The following CACNA1G variants were observed in gnomAD, a reference collection of about 807,000 sequenced individuals.
CACNA1G encodes voltage-dependent T-type calcium channel subunit alpha-1G.
Under a neutral mutation model 219.4 loss-of-function variants are expected in CACNA1G, and 67 were observed. The ratio of observed to expected loss-of-function variants is 0.31; its 90% CI spans 0.25 to 0.37. The LOEUF (loss-of-function observed/expected upper bound fraction) is 0.37, where lower values mean the gene tolerates loss of function less well. Among genes scored for constraint, CACNA1G ranks in the 10% least tolerant of loss-of-function variants. The pLI, the probability that CACNA1G is intolerant of heterozygous loss-of-function variation, is 1.00. For missense variants in CACNA1G, 2,380 were observed against 3,231.4 expected (o/e 0.74, Z 6.39); for synonymous variants, 1,296 against 1,345.3 (o/e 0.96, Z 0.80).
chr17:50,624,524 C>A lies in CACNA1G; in HGVS notation c.6394C>A (p.Arg2132Ser). 1 of 1,586,318 alleles carries A rather than the reference C, an allele frequency of 6.3e-7. No individual in the cohort carries two copies. Among genetic ancestry groups the A allele is most frequent in the Non-Finnish European group, 8.6e-7 (1 of 1,166,188 alleles). Residue 2132 changes from arginine (R) to serine (S), a missense_variant, in exon 37 of 38, where the codon CGC becomes AGC. Physicochemically the swap from Arg to Ser is moderately radical, Grantham distance 110 (BLOSUM62 -1). Coordinates refer to ENST00000359106, the MANE Select transcript of CACNA1G (RefSeq NM_018896.5). ...RSPLAQRPLRRQAAIRTDSLD... is the reference protein window; with the variant it reads ...RSPLAQRPLRSQAAIRTDSLD... ...CCCTTTGGCTCAGAGGCCACTCAGG[C>A]GCCAGGTGAGCAGATGTGGAAAGGC...
chr17:50,608,525 G>GATATATAT (rs3063068), intron 25 of CACNA1G, among the ~76,000 whole-genome samples: 45 of 141,772 alleles, frequency 3.2e-4, no homozygotes, highest in African/African-American at 9.6e-4. Context: ...TTTCTACCAT[G>GATATATAT]ATATATATAT....
In CACNA1G at chr17:50,565,960, C is replaced by T. The variant is rs987185783; in HGVS notation, c.243-2910C>T. Among the ~76,000 whole-genome samples the T allele has an allele frequency of 2.6e-5, 4 of 152,148 alleles. No individual in the cohort carries two copies. In the East Asian group the frequency reaches 5.8e-4, roughly 22 times the overall value. ...CCCCTCTTTGGGATCCACTCCAGCC[C>T]GGACAGTCACCATAGCAACAGTAGA... On this transcript the variant is annotated intron_variant, in intron 1 of 37. Coordinates refer to ENST00000359106, the MANE Select transcript of CACNA1G (RefSeq NM_018896.5).
chr17:50,616,419 T>A, intron 28 of CACNA1G, 35 bp downstream of exon 28: 1 of 1,266,364 alleles, frequency 7.9e-7, no homozygotes, highest in Non-Finnish European at 1.2e-6. Flanking sequence ...GGGACTTGCG[T>A]AGAGATAGAA....
chr17:50,591,465 C>A lies in CACNA1G; in HGVS notation c.2484C>A (p.Gly828=). 1.3e-6 allele frequency: 2 copies of A among 1,592,010 alleles called. No individual in the cohort carries two copies. Among genetic ancestry groups the A allele is most frequent in the Non-Finnish European group, 1.7e-6 (2 of 1,170,130 alleles). ...GGGAGATCGTGGGCCAGCAGGGGGG[C>A]GGCCTGTCGGTGCTGCGGACCTTCC... The part of the protein sequence containing the change: ...SVWEIVGQQG[G]GLSVLRTFRL... Residue 828 remains glycine (G), a synonymous_variant, in exon 11 of 38, where the codon GGC becomes GGA. Coordinates refer to ENST00000359106, the MANE Select transcript of CACNA1G (RefSeq NM_018896.5).
At chr17:50,585,326 T>G (rs1189707624) in intron 9 of CACNA1G, among the ~76,000 whole-genome samples, 1 of 152,158 alleles carries the variant, frequency 6.6e-6, no homozygotes, top group Non-Finnish European at 1.5e-5. Flanking sequence ...TCCAGAATTT[T>G]AAGTAGCAGG....
chr17:50,618,037 CT>C lies in CACNA1G; in HGVS notation c.5227-5del. On this transcript the variant is annotated splice_polypyrimidine_tract_variant and intron_variant, in intron 30 of 37. Coordinates refer to ENST00000359106, the MANE Select transcript of CACNA1G (RefSeq NM_018896.5). The surrounding 1 kb of genome is among the most constrained non-coding windows in gnomAD (Gnocchi z 5.3). ...AGCGGCATCGTTTCTATTTCTTCTCCTTTTTTCCAGGTGGGGAACCTGGGAC... is the reference window on the plus strand; with the variant it reads ...AGCGGCATCGTTTCTATTTCTTCTCCTTTTTCCAGGTGGGGAACCTGGGAC... 1 of 1,613,802 alleles carries C rather than the reference CT, an allele frequency of 6.2e-7. No homozygotes were observed. The highest frequency in any genetic ancestry group is 8.5e-7 in the Non-Finnish European group (1 of 1,179,794).
intron 14 of CACNA1G, 72 bp downstream of exon 14, chr17:50,595,133 C>A: frequency 1.7e-6 from 2 of 1,160,098 alleles, no homozygotes; most frequent in Non-Finnish European, 2.5e-6. Flanking sequence ...GCCTCCGTGT[C>A]TCTGTGCTCG....
chr17:50,563,691 A>C (rs2036746212), intron 1 of CACNA1G: 1 of 152,320 alleles, frequency 6.6e-6, no homozygotes. Flanking sequence ...GGAGGACAGC[A>C]CTCACCTTGG....
chr17:50,626,258 G>A lies in CACNA1G; in HGVS notation c.6641G>A (p.Ser2214Asn). ...AAGGGCCCTCCAGAGACCAGAAGCA[G>A]CTTAGAGTTGGACACGGAGCTGAGC... Reference protein sequence around the residue: ...WGKGPPETRSSLELDTELSWI... With the variant: ...WGKGPPETRSNLELDTELSWI... The change falls in exon 38 of 38, where the codon AGC (serine) becomes AAC (asparagine). Residue 2214 changes from serine (S) to asparagine (N), a missense_variant. This residue lies in a region of CACNA1G where 672 missense variants were observed against 670.5 expected (regional missense o/e 1.00). Coordinates refer to ENST00000359106, the MANE Select transcript of CACNA1G (RefSeq NM_018896.5). The surrounding 1 kb of genome is among the most constrained non-coding windows in gnomAD (Gnocchi z 4.3). 1 of 1,613,748 alleles carries A rather than the reference G, an allele frequency of 6.2e-7. No individual in the cohort carries two copies.
In CACNA1G at chr17:50,561,424, C is replaced by T. The variant is rs1379693404; in HGVS notation, c.-36C>T. 13 of 1,533,138 alleles carry T rather than the reference C, an allele frequency of 8.5e-6. No homozygotes were observed. In the South Asian group the frequency reaches 1.5e-4, roughly 18 times the overall value. 95.0% of individuals were successfully genotyped at this position (1,533,138 alleles called of 1,614,324 possible). ...CTCCTCTGAGGGGCGCCGCTTGCCC[C>T]TCTCCGGATCGCCCGGGGCCCCGGC... On this transcript the variant is annotated 5_prime_UTR_variant, in exon 1 of 38. Coordinates refer to ENST00000359106, the MANE Select transcript of CACNA1G (RefSeq NM_018896.5).
intron 1 of CACNA1G, among the ~76,000 whole-genome samples, chr17:50,565,479 A>G (rs2037537725): frequency 6.6e-6 from 1 of 152,002 alleles, no homozygotes; most frequent in African/African-American, 2.4e-5. Context: ...CGAATCCGAT[A>G]GACACCAGGA....
At position 50,619,863 on chromosome 17, in the gene CACNA1G, C is replaced by T. The variant is rs58743907; in HGVS notation, c.5925+37C>T. On this transcript the variant is annotated intron_variant, in intron 34 of 37. Transcript: ENST00000359106. The stretch of plus-strand genomic sequence containing the variant: ...CCTGTGCTGTGCCCTCTCCCCTGAC[C>T]GTGCTGGGCTGTGCCACGCTGTGCC... The T allele has an allele frequency of 7.0e-5, 109 of 1,563,818 alleles. No individual in the cohort carries two copies. In the African/African-American group the frequency reaches 7.7e-4, roughly 11 times the overall value.
intron 37 of CACNA1G, 75 bp from the exon 38 acceptor site, chr17:50,625,942 C>G: frequency 6.7e-7 from 1 of 1,499,920 alleles, no homozygotes; most frequent in Non-Finnish European, 9.0e-7. Flanking sequence ...GCAGGGGGCA[C>G]AGCCAGCTTG....
chr17:50,590,373 A>C (rs12936750), intron 9 of CACNA1G, 98 bp from the exon 10 acceptor site: 2 of 1,360,574 alleles, frequency 1.5e-6, no homozygotes, highest in Non-Finnish European at 2.1e-6. Context: ...CAAGCTTGCT[A>C]TTCCTGCTCC....
Position 50,626,099 on chromosome 17 carries a change from C to T in CACNA1G, c.6482C>T (p.Pro2161Leu), listed in dbSNP as rs201791887. ...CTGGCAGAGGTGAGTGGGCCCTCCC[C>T]GCCCCTGGCCCGGGCCTACTCTTTC... ...DLLAEVSGPS[P>L]PLARAYSFWG... The change falls in exon 38 of 38, where the codon CCG (proline) becomes CTG (leucine). Residue 2161 changes from proline (P) to leucine (L), a missense_variant. This residue lies in a region of CACNA1G where 672 missense variants were observed against 670.5 expected (regional missense o/e 1.00). Coordinates refer to ENST00000359106, the MANE Select transcript of CACNA1G (RefSeq NM_018896.5). This position sits in a 1 kb window ranked among gnomAD's most constrained non-coding sequence, Gnocchi z 4.3. 2.5e-5 allele frequency: 41 copies of T among 1,613,642 alleles called. No homozygotes were observed. The highest frequency in any genetic ancestry group is 3.2e-5 in the Non-Finnish European group (38 of 1,179,836).
chr17:50,622,269 C>G (rs1304438495), intron 35 of CACNA1G, among the ~76,000 whole-genome samples: 1 of 151,130 alleles, frequency 6.6e-6, no homozygotes, highest in Non-Finnish European at 1.5e-5. Context: ...CCCTTCTTCA[C>G]TTGGAGCGCT....
rs780071833 is a variant in CACNA1G, at chr17:50,568,960, C to T, written c.333C>T (p.Ser111=). The part of the protein sequence containing the change: ...FRPCEDIACD[S]QRCRILQAFD... ...CATGCGAGGACATCGCCTGTGACTC[C>T]CAGCGCTGCCGGATCCTGCAGGTGA... Residue 111 remains serine (S), a synonymous_variant, in exon 2 of 38, where the codon TCC becomes TCT. Coordinates refer to ENST00000359106, the MANE Select transcript of CACNA1G (RefSeq NM_018896.5). The T allele has an allele frequency of 3.7e-6, 6 of 1,609,954 alleles. No individual in the cohort carries two copies. The highest frequency in any genetic ancestry group is 5.1e-6 in the Non-Finnish European group (6 of 1,179,256).
At position 50,601,984 on chromosome 17, in the gene CACNA1G, G is replaced by A. The variant is rs192414152; in HGVS notation, c.3915+810G>A. Among the ~76,000 whole-genome samples the A allele has an allele frequency of 8.6e-4, 131 of 152,258 alleles. 1 individual carries two copies. Among genetic ancestry groups the A allele is most frequent in the African/African-American group, 2.5e-3 (102 of 41,560 alleles). On this transcript the variant is annotated intron_variant, in intron 19 of 37. Coordinates refer to ENST00000359106, the MANE Select transcript of CACNA1G (RefSeq NM_018896.5). ...GGGTGGAGGGAGCCTGAGGAATGGC[G>A]GGAGCAGCCCAAGACTAGGCGGGTG...
intron 4 of CACNA1G, among the ~76,000 whole-genome samples, chr17:50,570,344 T>C (rs973186444): frequency 6.6e-6 from 1 of 152,074 alleles, no homozygotes; most frequent in Non-Finnish European, 1.5e-5. Context: ...TTAAACTGCA[T>C]TGGTTTCTGG....
Sources: gnomAD v4.1 joint callset for allele counts (sites outside exome capture counted in the v4.1 genomes callset) on GRCh38, gnomAD v4.1.1 for gene constraint, gnomAD v4.1.1 regional missense constraint, Gnocchi (gnomAD v3.1) non-coding constraint, MANE v1.5 for transcripts, NCBI Gene and HGNC (gene_info 2026-07-23, HGNC 2026-07-21) for gene names.